Variants in PER3 observed in about 807,000 individuals in gnomAD.
PER3 encodes period circadian protein homolog 3.
PER3 carries 107 observed loss-of-function variants against 127.2 expected under a neutral mutation model. The ratio of observed to expected loss-of-function variants is 0.84; its 90% CI spans 0.72 to 0.99. PER3 has a LOEUF of 0.99. Among genes scored for constraint, PER3 ranks in the 50% least tolerant of loss-of-function variants. PER3 has a pLI of 0.00. For synonymous variants in PER3, 618 were observed against 585.8 expected, an observed-to-expected ratio of 1.05 and a Z score of -0.79; for missense variants, 1,560 against 1,525.8, an observed-to-expected ratio of 1.02 and a Z score of -0.37.
intron 8 of PER3, among the ~76,000 whole-genome samples, 160 bp from the exon 9 acceptor site, chr1:7,802,887 C>T (rs1490690611): frequency 6.6e-6 from 1 of 152,224 alleles, no homozygotes; most frequent in Non-Finnish European, 1.5e-5. Flanking sequence ...CCATTTCCCC[C>T]AGGATGGGCA....
intron 16 of PER3, among the ~76,000 whole-genome samples, chr1:7,821,052 CT>C (rs2097274341): frequency 6.6e-6 from 1 of 152,206 alleles, no homozygotes; most frequent in Non-Finnish European, 1.5e-5. Context: ...TCACACATAC[CT>C]TCAGATTTTT....
At position 7,827,493 on chromosome 1, in the gene PER3, T is replaced by C. The variant is rs1213714636; in HGVS notation, c.2564T>C (p.Phe855Ser). The C allele has an allele frequency of 3.7e-6, 6 of 1,614,248 alleles. No homozygotes were observed. The highest frequency in any genetic ancestry group is 5.1e-6 in the Non-Finnish European group (6 of 1,180,046). ...TTCCCTTTTCCTTACTTGGATACTT[T>C]TATGACCGTTTTCCTGCCTGACCCC... ...PAFPFPYLDT[F>S]MTVFLPDPPV... Residue 855 changes from phenylalanine (F) to serine (S), a missense_variant, in exon 18 of 22, where the codon TTT becomes TCT. Transcript: ENST00000377532.
Position 7,785,498 on chromosome 1 carries a change from G to C in PER3, c.186G>C (p.Met62Ile). 1.2e-6 allele frequency: 2 copies of C among 1,611,670 alleles called. No homozygotes were observed. The highest frequency in any genetic ancestry group is 1.7e-6 in the Non-Finnish European group (2 of 1,177,844). The change falls in exon 3 of 22, where the codon ATG (methionine) becomes ATC (isoleucine). Residue 62 changes from methionine to isoleucine, a missense_variant. Physicochemically the swap from Met to Ile is conservative, Grantham distance 10. This residue lies in a region of PER3 where 1,332 missense variants were observed against 1,223.6 expected (regional missense o/e 1.09). Coordinates refer to ENST00000377532, the MANE Select transcript of PER3 (RefSeq NM_001377275.1). ...SEELIMVVQE[M>I]KKYFPSERRN... ...AACTTATCATGGTTGTCCAAGAAAT[G>C]AAAAAATACTTCCCCTCGGAGAGAC...
At chr1:7,796,319 C>CT (rs71567315) in intron 6 of PER3, among the ~76,000 whole-genome samples, 29,301 of 109,620 alleles carry the variant, frequency 0.27, 4,773 homozygotes, top group East Asian at 0.5. Context: ...TTTCAGTTTC[C>CT]TTTTTTTTTT....
rs1385539826 is a variant in PER3, at chr1:7,801,186, T to A, written c.867T>A (p.Asp289Glu). The A allele has an allele frequency of 6.4e-7, 1 of 1,562,784 alleles. No homozygotes were observed. Among genetic ancestry groups the A allele is most frequent in the East Asian group, 2.3e-5 (1 of 44,444 alleles). ...HTPGCVFLEV[D>E]EKAVPLLGYL... ...CAGGGTGTGTTTTTCTTGAAGTAGA[T>A]GAAAAGTAAGTACTTCTTTAAGCCT... Residue 289 changes from aspartate to glutamate, a missense_variant, in exon 8 of 22, where the codon GAT (aspartate) becomes GAA (glutamate). Around this residue, in one of 3 missense-constraint regions of PER3, gnomAD observed 1,332 missense variants for 1,223.6 expected, o/e 1.09. Coordinates refer to ENST00000377532, the MANE Select transcript of PER3 (RefSeq NM_001377275.1).
intron 8 of PER3, among the ~76,000 whole-genome samples, chr1:7,802,259 G>C (rs1365352303): frequency 6.7e-6 from 1 of 149,902 alleles, no homozygotes; most frequent in African/African-American, 2.4e-5. Flanking sequence ...GGGTGACATT[G>C]TGTTTTTTTT....
intron 19 of PER3, 137 bp downstream of exon 19, chr1:7,830,298 G>A: frequency 1.5e-6 from 1 of 687,262 alleles, no homozygotes; most frequent in Non-Finnish European, 2.4e-6. Context: ...CTTTTTGTCA[G>A]GTATATTGGG....
At chr1:7,829,242 T>C (rs1399242588) in intron 18 of PER3, among the ~76,000 whole-genome samples, 1 of 152,160 alleles carries the variant, frequency 6.6e-6, no homozygotes, top group Non-Finnish European at 1.5e-5. Flanking sequence ...TATGGTAAAG[T>C]TTAATTGATA....
chr1:7,806,859 TACAC>T (rs1198762229), intron 10 of PER3, among the ~76,000 whole-genome samples: 7 of 140,270 alleles, frequency 5.0e-5, no homozygotes, highest in African/African-American at 1.0e-4. Context: ...CACACATACA[TACAC>T]AATTTAGTTT....
chr1:7,835,674 T>A (rs2097354700), intron 19 of PER3, 88 bp from the exon 20 acceptor site: 2 of 907,874 alleles, frequency 2.2e-6, no homozygotes, highest in Non-Finnish European at 3.5e-6. Flanking sequence ...AGGAGGACTG[T>A]CCGAGGCAAG....
At chr1:7,814,005 C>T (rs1222538681) in intron 13 of PER3, among the ~76,000 whole-genome samples, 1 of 152,130 alleles carries the variant, frequency 6.6e-6, no homozygotes, top group Non-Finnish European at 1.5e-5. Context: ...ATGAAAGAAA[C>T]CCTCAAATGG....
rs768403509 is a variant in PER3 at position 7,798,686 on chromosome 1, A to G, written c.793+13A>G. 8.1e-6 allele frequency: 13 copies of G among 1,607,330 alleles called. No homozygotes were observed. The highest frequency in any genetic ancestry group is 1.7e-5 in the Admixed American group (1 of 59,952). On this transcript the variant is annotated intron_variant, in intron 7 of 21. Coordinates refer to ENST00000377532, the MANE Select transcript of PER3 (RefSeq NM_001377275.1). Reference sequence around the variant, plus strand: ...TCTGGTTATGAAGGTAAGTCAGTAGATAAGATGCAGAAATGTCAGCAATCA... The same window carrying G: ...TCTGGTTATGAAGGTAAGTCAGTAGGTAAGATGCAGAAATGTCAGCAATCA...
chr1:7,785,413 G>A (rs1287887397), intron 2 of PER3, 28 bp from the exon 3 acceptor site: 1 of 1,589,994 alleles, frequency 6.3e-7, no homozygotes, highest in Non-Finnish European at 8.6e-7. Flanking sequence ...TTCAGAGGAT[G>A]AAGTTGTAAT....
intron 19 of PER3, among the ~76,000 whole-genome samples, chr1:7,833,533 G>GTC (rs765557553): frequency 1.3e-5 from 2 of 152,070 alleles, no homozygotes; most frequent in Admixed American, 6.5e-5. Context: ...AGTCTGCTTT[G>GTC]TCTGATATCA....
At chr1:7,806,809 AAAAAT>A (rs1253663417) in intron 10 of PER3, among the ~76,000 whole-genome samples, 3 of 82,020 alleles carry the variant, frequency 3.7e-5, no homozygotes, top group Non-Finnish European at 7.0e-5. Context: ...AAAAAAAAAA[AAAAAT>A]ATATATATAT....
At chr1:7,788,416 T>C in intron 5 of PER3, 170 bp downstream of exon 5, 1 of 597,450 alleles carries the variant, frequency 1.7e-6, no homozygotes, top group Non-Finnish European at 3.0e-6. Flanking sequence ...AAGCTTCTGA[T>C]AACATACTCA....
chr1:7,824,360 C>T (rs2097291647), intron 16 of PER3, among the ~76,000 whole-genome samples: 1 of 152,184 alleles, frequency 6.6e-6, no homozygotes, highest in Non-Finnish European at 1.5e-5. Flanking sequence ...AATTGATAAA[C>T]TCCTTATACC....
rs145213510 is a variant in PER3 at position 7,827,513 on chromosome 1, G to C, written c.2584G>C (p.Asp862His). The C allele has an allele frequency of 1.6e-3, 2,610 of 1,614,132 alleles. 4 individuals carry two copies. Among genetic ancestry groups the C allele is most frequent in the Non-Finnish European group, 2.1e-3 (2,439 of 1,180,006 alleles). The stretch of plus-strand genomic sequence containing the variant: ...TACTTTTATGACCGTTTTCCTGCCT[G>C]ACCCCCCTGTCTGTCCTCTGTTGTC... Reference protein sequence around the residue: ...LDTFMTVFLPDPPVCPLLSPS... With the variant: ...LDTFMTVFLPHPPVCPLLSPS... The change falls in exon 18 of 22, where the codon GAC becomes CAC. Residue 862 changes from aspartate to histidine, a missense_variant. Asp to His is a moderately conservative substitution (Grantham distance 81, BLOSUM62 -1). Transcript: ENST00000377532.
At chr1:7,806,752 C>T (rs1428060835) in intron 10 of PER3, among the ~76,000 whole-genome samples, 1 of 145,704 alleles carries the variant, frequency 6.9e-6, no homozygotes, top group East Asian at 2.0e-4. Context: ...CAGAATTGCA[C>T]CACTGCACTC....
Sources: gnomAD v4.1 joint callset for allele counts (sites outside exome capture counted in the v4.1 genomes callset) on GRCh38, gnomAD v4.1.1 for gene constraint, gnomAD v4.1.1 regional missense constraint, MANE v1.5 for transcripts, NCBI Gene and HGNC (gene_info 2026-07-23, HGNC 2026-07-21) for gene names.